Variants in HYDIN observed in about 807,000 individuals in gnomAD.
HYDIN encodes HYDIN axonemal central pair apparatus protein.
HYDIN carries 132 observed loss-of-function variants against 403.9 expected under a neutral mutation model. That is an observed-to-expected ratio of 0.33 (90% CI 0.28 to 0.38). HYDIN has a LOEUF of 0.38. HYDIN is among the 10% of genes least tolerant of loss of function. HYDIN has a pLI of 1.00. For missense variants in HYDIN, 2,827 were observed against 5,009.5 expected, an observed-to-expected ratio of 0.56 and a Z score of 13.15; for synonymous variants, 1,202 against 1,891.7, an observed-to-expected ratio of 0.64 and a Z score of 9.46.
At chr16:71,095,014 T>C (rs7197150) in intron 10 of HYDIN, among the ~76,000 whole-genome samples, 4,052 of 148,132 alleles carry the variant, frequency 0.027, 49 homozygotes, top group African/African-American at 0.095. Flanking sequence ...CACCCATGTG[T>C]TAAACCATAC....
intron 28 of HYDIN, among the ~76,000 whole-genome samples, chr16:70,982,425 G>A (rs2079074437): frequency 6.6e-6 from 1 of 150,834 alleles, no homozygotes; most frequent in African/African-American, 2.4e-5. Flanking sequence ...GACCCATTCA[G>A]GAAATAGAAG....
chr16:71,199,858 A>G (rs1322159167), intron 1 of HYDIN, among the ~76,000 whole-genome samples: 3 of 152,238 alleles, frequency 2.0e-5, no homozygotes, highest in African/African-American at 7.2e-5. Context: ...CGTGTGAACC[A>G]GAGCAACTCC....
At chr16:71,136,574 G>A (rs2084927126) in intron 8 of HYDIN, among the ~76,000 whole-genome samples, 1 of 145,368 alleles carries the variant, frequency 6.9e-6, no homozygotes, top group Non-Finnish European at 1.5e-5. Flanking sequence ...GACCAGCCTG[G>A]CCAACATATT....
chr16:71,188,368 A>G (rs779484013), intron 1 of HYDIN, among the ~76,000 whole-genome samples: 1 of 152,172 alleles, frequency 6.6e-6, no homozygotes, highest in Non-Finnish European at 1.5e-5. Flanking sequence ...TTCTAGGCGC[A>G]TGAGTGGCAT....
intron 11 of HYDIN, among the ~76,000 whole-genome samples, chr16:71,089,127 T>C (rs929522120): frequency 1.1e-4 from 17 of 149,578 alleles, no homozygotes; most frequent in Non-Finnish European, 1.8e-4. Flanking sequence ...GCAACTGTTT[T>C]ACTATAGAAA....
intron 1 of HYDIN, among the ~76,000 whole-genome samples, chr16:71,192,025 T>C (rs1337177551): frequency 2.0e-5 from 3 of 152,240 alleles, no homozygotes; most frequent in African/African-American, 7.2e-5. Flanking sequence ...ACAGCAACCC[T>C]AGATGAAGGT....
chr16:70,982,523 A>G (rs2079076962), intron 28 of HYDIN, among the ~76,000 whole-genome samples: 1 of 131,634 alleles, frequency 7.6e-6, no homozygotes. Context: ...CGATCACTTA[A>G]CAAAGGTGCA....
At chr16:71,210,440 T>C (rs764596842) in intron 1 of HYDIN, among the ~76,000 whole-genome samples, 1 of 152,010 alleles carries the variant, frequency 6.6e-6, no homozygotes, top group South Asian at 2.1e-4. Flanking sequence ...TTCTCACTTA[T>C]AAGAGCTAAA....
intron 47 of HYDIN, among the ~76,000 whole-genome samples, chr16:70,911,394 T>C (rs558822529): frequency 1.8e-4 from 27 of 151,040 alleles, no homozygotes; most frequent in African/African-American, 6.1e-4. Context: ...TATGTTTTTG[T>C]TTGCTTTGTC....
intron 1 of HYDIN, among the ~76,000 whole-genome samples, chr16:71,206,487 C>T (rs536255160): frequency 1.4e-4 from 22 of 152,292 alleles, no homozygotes; most frequent in Non-Finnish European, 2.6e-4. Flanking sequence ...AGAGAACCAA[C>T]GCAAGAACTC....
intron 18 of HYDIN, among the ~76,000 whole-genome samples, chr16:71,033,565 T>C (rs999631175): frequency 1.4e-5 from 2 of 144,824 alleles, no homozygotes; most frequent in African/African-American, 5.2e-5. Flanking sequence ...CACTCATAAG[T>C]GGGAGCTGAA....
intron 23 of HYDIN, among the ~76,000 whole-genome samples, chr16:70,999,933 G>A (rs12102763): frequency 0.4 from 60,526 of 151,962 alleles, 12,737 homozygotes; most frequent in East Asian, 0.62. Flanking sequence ...CTTCTATAAC[G>A]CTCCAGAAGG....
At chr16:71,128,559 G>T (rs1482825414) in intron 9 of HYDIN, among the ~76,000 whole-genome samples, 2 of 152,148 alleles carry the variant, frequency 1.3e-5, no homozygotes, top group Non-Finnish European at 2.9e-5. Flanking sequence ...CAAGCTGCGG[G>T]CTTCCTCACC....
At chr16:70,809,675 C>G in intron 85 of HYDIN, 108 bp downstream of exon 85, 3 of 881,852 alleles carry the variant, frequency 3.4e-6, no homozygotes, top group Non-Finnish European at 5.6e-6. Context: ...AACGAAGCAC[C>G]TGAGTCTCTC....
intron 81 of HYDIN, among the ~76,000 whole-genome samples, 155 bp from the exon 82 acceptor site, chr16:70,828,584 T>C (rs112169579): frequency 0.011 from 1,670 of 150,228 alleles, 14 homozygotes; most frequent in Middle Eastern, 0.076. Flanking sequence ...GTTCAGGAGA[T>C]AGAAAAATGT....
At chr16:70,993,020 T>C (rs904052776) in intron 23 of HYDIN, among the ~76,000 whole-genome samples, 2 of 152,256 alleles carry the variant, frequency 1.3e-5, no homozygotes, top group African/African-American at 2.4e-5. Flanking sequence ...ATTTCACTTA[T>C]ATACTCATTC....
At position 70,921,345 on chromosome 16, in the gene HYDIN, C is replaced by T. The variant is rs536007332; in HGVS notation, c.7159-128G>A. 6.6e-5 allele frequency: 53 copies of T among 808,492 alleles called. 1 individual carries two copies. Among genetic ancestry groups the T allele is most frequent in the Admixed American group, 2.6e-4 (10 of 37,824 alleles). The allele number at this position is 808,492 out of a possible 1,614,324, so 50.1% of individuals were successfully genotyped here. On this transcript the variant is annotated intron_variant, in intron 45 of 85. Coordinates refer to ENST00000393567, the MANE Select transcript of HYDIN (RefSeq NM_001270974.2). ...CGAGGATCTGGGCACCTCCCCTGCA[C>T]GCTAAGGTTGTGCCTGGGAATCATC... is the stretch of plus-strand genomic sequence containing the variant.
At chr16:71,183,949 C>T (rs2087017664) in intron 3 of HYDIN, among the ~76,000 whole-genome samples, 1 of 152,074 alleles carries the variant, frequency 6.6e-6, no homozygotes, top group African/African-American at 2.4e-5. Flanking sequence ...ATGTGTTATG[C>T]TTTCAGAAAA....
intron 23 of HYDIN, among the ~76,000 whole-genome samples, chr16:71,016,338 A>G (rs1255880902): frequency 1.3e-5 from 2 of 151,884 alleles, no homozygotes; most frequent in Non-Finnish European, 1.5e-5. Context: ...TCCAGAGAAG[A>G]TCTACAAATG....
Sources: gnomAD v4.1 joint callset for allele counts (sites outside exome capture counted in the v4.1 genomes callset) on GRCh38, gnomAD v4.1.1 for gene constraint, MANE v1.5 for transcripts, NCBI Gene and HGNC (gene_info 2026-07-23, HGNC 2026-07-21) for gene names.